FAAH2: variants seen among roughly 807,000 people sequenced by gnomAD.
The protein encoded by FAAH2 is fatty-acid amide hydrolase 2.
A neutral mutation model predicts 36.9 loss-of-function variants in FAAH2; 60 were observed. The observed-to-expected ratio is 1.63, with a 90% CI of 1.32 to 2.02. FAAH2 has a LOEUF of 2.02. Ranked by LOEUF, FAAH2 falls within the 30% of genes most tolerant of loss-of-function variation. FAAH2 has a pLI of 0.00. For missense variants in FAAH2, 689 were observed against 397.5 expected (o/e 1.73, Z -6.23); for synonymous variants, 214 against 143.8 (o/e 1.49, Z -3.49).
intron 7 of FAAH2, among the ~76,000 whole-genome samples, chrX:57,404,333 G>T (rs1393736981): frequency 2.7e-5 from 3 of 111,704 alleles, no homozygotes; most frequent in Non-Finnish European, 5.7e-5. Flanking sequence ...TCTCCTTTCT[G>T]TCTTTGTAGA....
the FAAH2 span, among the ~76,000 whole-genome samples, chrX:57,184,100 G>T: frequency 1.8e-5 from 2 of 110,867 alleles, no homozygotes; most frequent in Middle Eastern, 4.6e-3. Context: ...TGTTGTTTAA[G>T]ATGTTTATCA....
chrX:57,207,469 T>C, the FAAH2 span, among the ~76,000 whole-genome samples: 3 of 111,967 alleles, frequency 2.7e-5, no homozygotes, highest in Non-Finnish European at 5.6e-5. Flanking sequence ...CCTGAATAGT[T>C]ATTTCACAGG....
rs4326513 is a variant in FAAH2, at chrX:57,332,491, A to T, written c.622+684A>T. Among the ~76,000 whole-genome samples, 17 of 111,195 alleles carry T rather than the reference A, an allele frequency of 1.5e-4. No individual in the cohort carries two copies. The East Asian group carries it at 4.9e-3, about 32-fold the overall frequency. On this transcript the variant is annotated intron_variant, in intron 4 of 10. Coordinates refer to ENST00000374900, the MANE Select transcript of FAAH2 (RefSeq NM_174912.4). ...GTAACGGGAAAACCACTCTTCCCAA[A>T]ACTGAATGAAAAGACAGGCAGATAC...
chrX:57,404,505 G>T (rs1303260298), intron 7 of FAAH2, among the ~76,000 whole-genome samples: 1 of 111,567 alleles, frequency 9.0e-6, no homozygotes, highest in Non-Finnish European at 1.9e-5. Flanking sequence ...CATTTCTAAG[G>T]CCCTGACAAG....
intron 5 of FAAH2, among the ~76,000 whole-genome samples, chrX:57,374,817 C>A (rs183608045): frequency 1.6e-3 from 183 of 111,034 alleles, no homozygotes; most frequent in Non-Finnish European, 3.1e-3. Flanking sequence ...TCTACTTTTC[C>A]CCGTTCAGTA....
In FAAH2 at chrX:57,419,091, C is replaced by T. The variant is rs2055933145; in HGVS notation, c.997-12827C>T. Among the ~76,000 whole-genome samples, 4 of 107,527 alleles carry T rather than the reference C, an allele frequency of 3.7e-5. No individual in the cohort carries two copies. The South Asian group carries it at 1.7e-3, about 46-fold the overall frequency. 93.4% of individuals were successfully genotyped at this position (107,527 alleles called of 115,157 possible). A position where few individuals can be genotyped will look rare whatever the true frequency, so the allele number is the denominator to read the frequency against. On this transcript the variant is annotated intron_variant, in intron 7 of 10. Coordinates refer to ENST00000374900, the MANE Select transcript of FAAH2 (RefSeq NM_174912.4). ...CATAGTATTCCATGGTGTATATGTG[C>T]CACATTTTCTTAATCCAGTCTATCA...
the FAAH2 span, among the ~76,000 whole-genome samples, chrX:57,133,742 A>T: frequency 4.1e-4 from 46 of 112,386 alleles, no homozygotes; most frequent in Admixed American, 5.6e-4. Flanking sequence ...AAGATGAAAA[A>T]AACCTGGCAG....
intron 10 of FAAH2, among the ~76,000 whole-genome samples, chrX:57,476,691 C>T (rs1045561666): frequency 3.6e-5 from 4 of 111,410 alleles, no homozygotes; most frequent in Admixed American, 9.6e-5. Flanking sequence ...CAGGAAGATG[C>T]TGGCCTCATA....
chrX:57,455,251 C>T (rs2056847203), intron 10 of FAAH2, among the ~76,000 whole-genome samples: 1 of 111,220 alleles, frequency 9.0e-6, no homozygotes, highest in Non-Finnish European at 1.9e-5. Context: ...CAAGCAAGTA[C>T]TAAAGGAATT....
Position 57,448,718 on chromosome X carries a change from G to C in FAAH2, c.1423G>C (p.Gly475Arg). The C allele has an allele frequency of 2.5e-6, 3 of 1,188,553 alleles. No individual in the cohort carries two copies. Among genetic ancestry groups the C allele is most frequent in the Non-Finnish European group, 3.4e-6 (3 of 876,969 alleles). Reference sequence around the variant, plus strand: ...ACGGCCTTTCAACTTTGCTTACACAGGTACCTAATTGTATTCCTTACATTC... The same window carrying C: ...ACGGCCTTTCAACTTTGCTTACACACGTACCTAATTGTATTCCTTACATTC... ...LTRPFNFAYT[G>R]VFSALGLPVT... Residue 475 changes from glycine to arginine, a missense_variant and splice_region_variant, in exon 10 of 11, where the codon GGT becomes CGT. Gly to Arg is a moderately radical substitution (Grantham distance 125, BLOSUM62 -2). Transcript: ENST00000374900.
the FAAH2 span, among the ~76,000 whole-genome samples, chrX:57,190,673 C>G: frequency 9.1e-6 from 1 of 110,477 alleles, no homozygotes; most frequent in Non-Finnish European, 1.9e-5. Flanking sequence ...TCCTTGCACT[C>G]CCGGGTGAGG....
chrX:57,319,273 C>T (rs893267095), intron 3 of FAAH2, among the ~76,000 whole-genome samples: 4 of 111,625 alleles, frequency 3.6e-5, no homozygotes, highest in African/African-American at 1.3e-4. Flanking sequence ...TAGAAAACCC[C>T]ATCGTCTCAG....
the FAAH2 span, among the ~76,000 whole-genome samples, chrX:57,252,109 G>A: frequency 8.9e-6 from 1 of 112,758 alleles, no homozygotes; most frequent in South Asian, 3.7e-4. Context: ...ACAGAGCCTT[G>A]CTCGCTGCTA....
the FAAH2 span, among the ~76,000 whole-genome samples, chrX:57,167,049 T>C: frequency 8.9e-6 from 1 of 111,758 alleles, no homozygotes; most frequent in African/African-American, 3.3e-5. Flanking sequence ...GTGTAGGCGC[T>C]ATATAGATCT....
the FAAH2 span, among the ~76,000 whole-genome samples, chrX:57,130,886 C>G: frequency 8.9e-6 from 1 of 111,966 alleles, no homozygotes; most frequent in East Asian, 2.8e-4. Flanking sequence ...GCAAATTATT[C>G]TCAGGTATAT....
At chrX:57,444,293 C>T (rs1411070793) in intron 8 of FAAH2, among the ~76,000 whole-genome samples, 1 of 112,017 alleles carries the variant, frequency 8.9e-6, no homozygotes, top group Non-Finnish European at 1.9e-5. Flanking sequence ...TTTACCTAGT[C>T]AAGCCTCAGC....
chrX:57,272,049 G>C, the FAAH2 span, among the ~76,000 whole-genome samples: 2 of 109,015 alleles, frequency 1.8e-5, no homozygotes, highest in Non-Finnish European at 3.8e-5. Context: ...CTAATGTAGA[G>C]AAGAACATAT....
chrX:57,417,848 G>C (rs149233743), intron 7 of FAAH2, among the ~76,000 whole-genome samples: 193 of 111,958 alleles, frequency 1.7e-3, no homozygotes, highest in Admixed American at 2.9e-3. Context: ...CTTCCCCCAG[G>C]TTCTCTATCT....
At chrX:57,463,471 A>G (rs773523155) in intron 10 of FAAH2, among the ~76,000 whole-genome samples, 3 of 111,465 alleles carry the variant, frequency 2.7e-5, no homozygotes, top group African/African-American at 9.8e-5. Flanking sequence ...ATATAGACCA[A>G]TAGAACAGAA....
Sources: gnomAD v4.1 joint callset for allele counts (sites outside exome capture counted in the v4.1 genomes callset) on GRCh38, gnomAD v4.1.1 for gene constraint, MANE v1.5 for transcripts, NCBI Gene and HGNC (gene_info 2026-07-23, HGNC 2026-07-21) for gene names.